The following TRMT11 variants were observed in gnomAD, a reference collection of about 807,000 sequenced individuals.
TRMT11 encodes tRNA methyltransferase 11, also known as tRNA (guanine(10)-N(2))-methyltransferase TRMT11.
Under a neutral mutation model 62.8 loss-of-function variants are expected in TRMT11, and 53 were observed. The observed-to-expected ratio is 0.84, with a 90% CI of 0.68 to 1.06. The LOEUF is 1.06. Among genes scored for constraint, TRMT11 ranks in the 50% least tolerant of loss-of-function variants. The pLI is 0.00. For missense variants in TRMT11, 556 were observed against 553.4 expected, an observed-to-expected ratio of 1.00 and a Z score of -0.05; for synonymous variants, 188 against 190.3, an observed-to-expected ratio of 0.99 and a Z score of 0.10.
chr6:125,986,936 C>T, intron 1 of TRMT11: 1 of 372,250 alleles, frequency 2.7e-6, no homozygotes, highest in African/African-American at 2.1e-5. Context: ...AGAATAGAGA[C>T]AGCTAACAAA....
At chr6:125,989,544 A>C (rs1438328710) in intron 1 of TRMT11, among the ~76,000 whole-genome samples, 1 of 152,214 alleles carries the variant, frequency 6.6e-6, no homozygotes, top group African/African-American at 2.4e-5. Flanking sequence ...CACTTAGAGA[A>C]TACTGGACCA....
At chr6:126,239,974 A>G in the TRMT11 span, among the ~76,000 whole-genome samples, 1 of 152,094 alleles carries the variant, frequency 6.6e-6, no homozygotes, top group Non-Finnish European at 1.5e-5. Flanking sequence ...TCCATCACTG[A>G]TACCCTTTCT....
At chr6:126,092,898 C>T (rs1777293592) in intron 17 of TRMT11, among the ~76,000 whole-genome samples, 1 of 152,172 alleles carries the variant, frequency 6.6e-6, no homozygotes, top group African/African-American at 2.4e-5. Flanking sequence ...GTGAGTTCTG[C>T]TTATCTTGAT....
At chr6:125,993,681 T>C in intron 1 of TRMT11, 76 bp from the exon 2 acceptor site, 1 of 897,452 alleles carries the variant, frequency 1.1e-6, no homozygotes, top group South Asian at 1.5e-5. Flanking sequence ...TTTAGTCATG[T>C]AATACCTGTC....
chr6:126,006,369 T>C (rs891473916), intron 7 of TRMT11, among the ~76,000 whole-genome samples: 3 of 152,034 alleles, frequency 2.0e-5, no homozygotes, highest in African/African-American at 7.2e-5. Context: ...GTTAGTTCTT[T>C]AAAGATGAAA....
downstream of TRMT11, among the ~76,000 whole-genome samples, chr6:126,206,520 T>C (rs1778793564): frequency 1.3e-5 from 2 of 152,354 alleles, no homozygotes; most frequent in Admixed American, 6.5e-5. Flanking sequence ...TGTTATTCTC[T>C]ATATCTTTCA....
intron 21 of TRMT11, among the ~76,000 whole-genome samples, chr6:126,138,391 A>G (rs1243945455): frequency 1.3e-5 from 2 of 152,004 alleles, no homozygotes; most frequent in East Asian, 3.9e-4. Flanking sequence ...TTGTCATGCA[A>G]TATTAATGGA....
chr6:126,177,506 A>G (rs185859104), intron 1 of TRMT11, among the ~76,000 whole-genome samples: 3 of 152,240 alleles, frequency 2.0e-5, no homozygotes, highest in Admixed American at 2.0e-4. Flanking sequence ...TGTTTATACT[A>G]ATTTCTTATA....
intron 17 of TRMT11, among the ~76,000 whole-genome samples, chr6:126,072,123 A>G (rs1432350907): frequency 1.3e-5 from 2 of 152,196 alleles, no homozygotes; most frequent in African/African-American, 4.8e-5. Context: ...CCACTGTGAT[A>G]TAGTTAACAG....
At chr6:126,104,653 G>A (rs969398388) in intron 17 of TRMT11, among the ~76,000 whole-genome samples, 4 of 152,280 alleles carry the variant, frequency 2.6e-5, no homozygotes, top group African/African-American at 9.6e-5. Context: ...TGACATTTAG[G>A]TTCTAATTCC....
At chr6:126,219,391 T>A in the TRMT11 span, among the ~76,000 whole-genome samples, 1 of 152,314 alleles carries the variant, frequency 6.6e-6, no homozygotes, top group Non-Finnish European at 1.5e-5. Context: ...TCTTTTCCCT[T>A]GTACCTGCAA....
At chr6:126,269,643 G>A in the TRMT11 span, among the ~76,000 whole-genome samples, 1 of 152,184 alleles carries the variant, frequency 6.6e-6, no homozygotes, top group Non-Finnish European at 1.5e-5. Context: ...ATTGCAAATA[G>A]TTATAAATGT....
At chr6:126,012,707 GT>G in intron 9 of TRMT11, 63 bp from the exon 10 acceptor site, 1 of 1,247,954 alleles carries the variant, frequency 8.0e-7, no homozygotes. Flanking sequence ...CAGCATGGCT[GT>G]TTGCCCTTGA....
chr6:126,041,305 T>TTAAAA, downstream of TRMT11, among the ~76,000 whole-genome samples: 1 of 152,134 alleles, frequency 6.6e-6, no homozygotes, highest in African/African-American at 2.4e-5. Context: ...GCTTTAAAAG[T>TTAAAA]TTGAGACATG....
At chr6:126,209,200 C>T in the TRMT11 span, among the ~76,000 whole-genome samples, 1 of 152,026 alleles carries the variant, frequency 6.6e-6, no homozygotes, top group Non-Finnish European at 1.5e-5. Flanking sequence ...AAGAAAAAAG[C>T]CAATACTGAT....
chr6:126,024,083 T>G (rs1376518024), intron 12 of TRMT11, among the ~76,000 whole-genome samples: 2 of 152,236 alleles, frequency 1.3e-5, no homozygotes, highest in Non-Finnish European at 2.9e-5. Flanking sequence ...CTAGAATTCT[T>G]TATAGGTCTT....
At chr6:125,997,921 G>A (rs889177362) in intron 3 of TRMT11, 132 bp from the exon 4 acceptor site, 14 of 604,480 alleles carry the variant, frequency 2.3e-5, no homozygotes, top group Admixed American at 1.1e-4. Flanking sequence ...TAAAATAACC[G>A]ATTCATTTAT....
At chr6:126,103,099 C>T (rs758509678) in intron 17 of TRMT11, among the ~76,000 whole-genome samples, 51 of 152,316 alleles carry the variant, frequency 3.3e-4, no homozygotes, top group Non-Finnish European at 6.0e-4. Context: ...GGAACCTCCT[C>T]GACTTCCATC....
intron 7 of TRMT11, among the ~76,000 whole-genome samples, chr6:126,006,369 TA>T (rs1419698623): frequency 1.3e-5 from 2 of 152,034 alleles, no homozygotes; most frequent in African/African-American, 4.8e-5. Flanking sequence ...GTTAGTTCTT[TA>T]AAGATGAAAA....
Sources: allele counts gnomAD v4.1 joint callset (sites outside exome capture counted in the v4.1 genomes callset), GRCh38; gene constraint gnomAD v4.1.1; transcripts MANE v1.5; gene names NCBI Gene and HGNC (gene_info 2026-07-23, HGNC 2026-07-21).